PCID2: variants seen among roughly 807,000 people sequenced by gnomAD.
The protein encoded by PCID2 is PCI domain-containing protein 2.
A neutral mutation model predicts 61.3 loss-of-function variants in PCID2; 41 were observed. The observed-to-expected ratio is 0.67, with a 90% CI of 0.52 to 0.87. PCID2 has a LOEUF of 0.87. Ranked by LOEUF, PCID2 falls within the 40% of genes least tolerant of loss-of-function variation. The probability of loss-of-function intolerance (pLI) is 0.00; values close to 1 mark genes in which losing one functional copy is unlikely to be tolerated. For missense variants in PCID2, 392 were observed against 493.4 expected, an observed-to-expected ratio of 0.79 and a Z score of 1.95; for synonymous variants, 187 against 177.8, an observed-to-expected ratio of 1.05 and a Z score of -0.41.
intron 9 of PCID2, among the ~76,000 whole-genome samples, 163 bp downstream of exon 9, chr13:113,184,183 T>C (rs1442844163): frequency 6.6e-6 from 1 of 152,240 alleles, no homozygotes; most frequent in Non-Finnish European, 1.5e-5. Context: ...ATCTTCAATA[T>C]AATTTCCCTT....
At chr13:113,208,345 A>G in intron 1 of PCID2, 3 of 1,432,716 alleles carry the variant, frequency 2.1e-6, no homozygotes, top group Non-Finnish European at 2.7e-6. Context: ...CGCCGCGTCT[A>G]CTTACACCGC....
At chr13:113,201,587 A>G (rs764142983) in intron 1 of PCID2, among the ~76,000 whole-genome samples, 38 of 152,138 alleles carry the variant, frequency 2.5e-4, no homozygotes, top group Non-Finnish European at 4.3e-4. Flanking sequence ...CGAGGCGGGC[A>G]GATCATGAGG....
chr13:113,192,304 A>T (rs1215326714), intron 6 of PCID2, among the ~76,000 whole-genome samples: 2 of 152,212 alleles, frequency 1.3e-5, no homozygotes, highest in Non-Finnish European at 2.9e-5. Context: ...AATTTTCTTA[A>T]ATCTTGGTCC....
At chr13:113,189,468 C>G (rs1245974000) in intron 7 of PCID2, among the ~76,000 whole-genome samples, 1 of 152,080 alleles carries the variant, frequency 6.6e-6, no homozygotes, top group Non-Finnish European at 1.5e-5. Flanking sequence ...AACAACTACT[C>G]TCTGGGAACA....
At chr13:113,177,135 T>TTTTA (rs1292565805), downstream of PCID2, among the ~76,000 whole-genome samples, 11 of 152,128 alleles carry the variant, frequency 7.2e-5, no homozygotes, top group African/African-American at 2.7e-4. Context: ...ACACTTTTAT[T>TTTTA]TTTATTTATT....
At chr13:113,180,074 G>A in intron 11 of PCID2, 32 bp from the exon 12 acceptor site, 3 of 1,613,608 alleles carry the variant, frequency 1.9e-6, no homozygotes, top group Non-Finnish European at 1.7e-6. Context: ...CAGAAGGAGG[G>A]TGAGTTTCTC....
chr13:113,198,628 A>C (rs7992683), intron 2 of PCID2, among the ~76,000 whole-genome samples: 2,595 of 152,220 alleles, frequency 0.017, 69 homozygotes, highest in African/African-American at 0.058. Flanking sequence ...TCGCTTGAAC[A>C]TGGGTGGGGG....
Position 113,179,486 on chromosome 13 carries a change from C to A in PCID2, c.987-397G>T, listed in dbSNP as rs923465615. ...TGCCTGAAGTTTACACAACTGAGAT[C>A]CTGCTGGGACGAGGCCTCAGAAGAC... On this transcript the variant is annotated intron_variant, in intron 12 of 13. Coordinates refer to ENST00000337344, the MANE Select transcript of PCID2 (RefSeq NM_001127202.4). This position sits in a 1 kb window ranked among gnomAD's most constrained non-coding sequence, Gnocchi z 4.3. Among the ~76,000 whole-genome samples the A allele has an allele frequency of 3.9e-5, 6 of 152,030 alleles. No homozygotes were observed. Among genetic ancestry groups the A allele is most frequent in the Non-Finnish European group, 8.8e-5 (6 of 68,018 alleles).
chr13:113,191,398 G>C (rs958991785), intron 6 of PCID2, among the ~76,000 whole-genome samples: 3 of 152,090 alleles, frequency 2.0e-5, no homozygotes, highest in Admixed American at 2.0e-4. Context: ...AAAGATCCTG[G>C]AGAAATCAGC....
Position 113,184,091 on chromosome 13 carries a change from C to T in PCID2, c.685+255G>A, listed in dbSNP as rs986372365. ...ATTTACATTCTATTCTGAGAACAGT[C>T]ATGCTCAGTGAACTCAGAAACGATG... is the stretch of plus-strand genomic sequence containing the variant. On this transcript the variant is annotated intron_variant, in intron 9 of 13. Transcript: ENST00000337344. 7 of 863,710 alleles carry T rather than the reference C, an allele frequency of 8.1e-6. No homozygotes were observed. In the East Asian group the frequency reaches 8.5e-4, roughly 105 times the overall value. The allele number at this position is 863,710 out of a possible 1,614,324, so 53.5% of individuals were successfully genotyped here.
At chr13:113,165,222 C>G in the PCID2 span, 1 of 1,269,112 alleles carries the variant, frequency 7.9e-7, no homozygotes, top group Non-Finnish European at 1.1e-6. Context: ...ATCAGGCATC[C>G]TGACTTTGAT....
intron 1 of PCID2, among the ~76,000 whole-genome samples, chr13:113,201,213 G>A (rs901261792): frequency 1.3e-5 from 2 of 152,100 alleles, no homozygotes; most frequent in African/African-American, 4.8e-5. Context: ...CTCGGCTGCT[G>A]TTAAAAAGAA....
rs1019697958 is a variant in PCID2 at position 113,180,016 on chromosome 13, T to C, written c.887A>G (p.Glu296Gly). The change falls in exon 12 of 14, where the codon GAG (glutamate) becomes GGG (glycine). Residue 296 changes from glutamate to glycine, a missense_variant. Physicochemically the swap from Glu to Gly is moderately conservative, Grantham distance 98. Coordinates refer to ENST00000337344, the MANE Select transcript of PCID2 (RefSeq NM_001127202.4). ...GAAGGCCTCGTGCTTCGCCAGCGCC[T>C]CGTGCAGCAGCAGCAGGTTGCCCTC... is the stretch of plus-strand genomic sequence containing the variant. ...VSEGNLLLLHEALAKHEAFFI... is the reference protein window; with the variant it reads ...VSEGNLLLLHGALAKHEAFFI... 6.2e-7 allele frequency: 1 copy of C among 1,613,962 alleles called. No homozygotes were observed. Among genetic ancestry groups the C allele is most frequent in the African/African-American group, 1.3e-5 (1 of 74,896 alleles).
Position 113,208,661 on chromosome 13 carries a change from A to T in PCID2, c.-27T>A. 6.3e-7 allele frequency: 1 copy of T among 1,599,546 alleles called. No homozygotes were observed. Among genetic ancestry groups the T allele is most frequent in the Non-Finnish European group, 8.5e-7 (1 of 1,174,210 alleles). On this transcript the variant is annotated 5_prime_UTR_variant, in exon 1 of 14. Transcript: ENST00000337344. ...GGAGCGCCGCCGAACGGAGAGCGCC[A>T]CCCCCTACGCCTCAAGCGGGCCAGC... is the stretch of plus-strand genomic sequence containing the variant.
the PCID2 span, chr13:113,172,033 A>G: frequency 5.0e-6 from 8 of 1,613,126 alleles, no homozygotes; most frequent in Non-Finnish European, 6.8e-6. Context: ...AGCCAGTAGG[A>G]GGGCAGGCTC....
chr13:113,178,130 C>T lies in PCID2; in HGVS notation c.*68G>A, dbSNP rs1169351324. On this transcript the variant is annotated 3_prime_UTR_variant, in exon 14 of 14. Transcript: ENST00000337344. ...AGGGAGCCTTGTTGCAGTACCGGAC[C>T]GGTCTCATCAGCACAACCAAAGTGG... 1.2e-5 allele frequency: 14 copies of T among 1,144,910 alleles called. No individual in the cohort carries two copies. In the East Asian group the frequency reaches 1.9e-4, roughly 16 times the overall value. 70.9% of individuals were successfully genotyped at this position (1,144,910 alleles called of 1,614,324 possible).
intron 6 of PCID2, among the ~76,000 whole-genome samples, chr13:113,191,184 A>T (rs999116595): frequency 6.6e-6 from 1 of 151,566 alleles, no homozygotes; most frequent in Admixed American, 6.6e-5. Context: ...TTTTTTTAAA[A>T]TTTATTTTAA....
At chr13:113,189,650 T>C (rs1431687911) in intron 7 of PCID2, among the ~76,000 whole-genome samples, 1 of 126,116 alleles carries the variant, frequency 7.9e-6, no homozygotes, top group South Asian at 2.5e-4. Flanking sequence ...AATTTAAAAA[T>C]AAATAATGGC....
intron 10 of PCID2, among the ~76,000 whole-genome samples, 186 bp downstream of exon 10, chr13:113,180,944 C>A (rs567955478): frequency 2.0e-5 from 3 of 152,134 alleles, no homozygotes; most frequent in Non-Finnish European, 4.4e-5. Flanking sequence ...GACCTGGAGG[C>A]GTAAGGCATG....
Sources: allele counts gnomAD v4.1 joint callset (sites outside exome capture counted in the v4.1 genomes callset), GRCh38; gene constraint gnomAD v4.1.1; non-coding constraint Gnocchi (gnomAD v3.1); transcripts MANE v1.5; gene names NCBI Gene and HGNC (gene_info 2026-07-23, HGNC 2026-07-21).